The following CBR4 variants were observed in gnomAD, a reference collection of about 807,000 sequenced individuals.
CBR4 encodes carbonyl reductase 4.
A neutral mutation model predicts 21.0 loss-of-function variants in CBR4; 22 were observed. The observed-to-expected ratio is 1.05, with a 90% CI of 0.75 to 1.50. The LOEUF is 1.50. Ranked by LOEUF, CBR4 falls within the 40% of genes most tolerant of loss-of-function variation. The pLI, the probability that CBR4 is intolerant of heterozygous loss-of-function variation, is 0.00. For synonymous variants in CBR4, 100 were observed against 104.4 expected (o/e 0.96, Z 0.26); for missense variants, 302 against 286.3 (o/e 1.05, Z -0.40).
At chr4:169,006,639 C>T in intron 3 of CBR4, 116 bp downstream of exon 3, 1 of 973,344 alleles carries the variant, frequency 1.0e-6, no homozygotes, top group Non-Finnish European at 1.5e-6. Context: ...ATCCTTTTTT[C>T]CACAGATAAT....
intron 2 of CBR4, among the ~76,000 whole-genome samples, chr4:168,958,982 G>A (rs1409752806): frequency 6.6e-6 from 1 of 151,960 alleles, no homozygotes; most frequent in African/African-American, 2.4e-5. Context: ...CCTAGTCTGT[G>A]ACTTTCTTTT....
At chr4:168,978,964 AT>A (rs936951012) in intron 2 of CBR4, among the ~76,000 whole-genome samples, 21 of 151,612 alleles carry the variant, frequency 1.4e-4, no homozygotes, top group Non-Finnish European at 2.8e-4. Flanking sequence ...CAGGCCTGCC[AT>A]TTTTGCTGCT....
At chr4:168,900,877 T>C (rs1372470031) in intron 2 of CBR4, among the ~76,000 whole-genome samples, 1 of 152,224 alleles carries the variant, frequency 6.6e-6, no homozygotes, top group Non-Finnish European at 1.5e-5. Flanking sequence ...ATCTTGAACT[T>C]CCAAGATATT....
At chr4:168,894,554 AT>A (rs777923870) in intron 3 of CBR4, 3 of 1,518,972 alleles carry the variant, frequency 2.0e-6, no homozygotes, top group South Asian at 1.1e-5. Flanking sequence ...CTAATTTTGT[AT>A]TTTTTGTGAC....
downstream of CBR4, among the ~76,000 whole-genome samples, chr4:168,986,412 A>G (rs183140315): frequency 1.1e-3 from 172 of 152,306 alleles, 1 homozygote; most frequent in African/African-American, 4.0e-3. Context: ...TCCCCTAATT[A>G]TTTAATAGCA....
In CBR4 at chr4:168,894,630, G is replaced by A; in HGVS notation, n.305C>T. The A allele has an allele frequency of 1.2e-6, 2 of 1,613,328 alleles. No individual in the cohort carries two copies. The highest frequency in any genetic ancestry group is 2.2e-5 in the East Asian group (1 of 44,858). The stretch of plus-strand genomic sequence containing the variant: ...TCGTCGACTGCTAGGTGCTGACAGT[G>A]CAACTGTCTTTAATATTCAGGAGCC... On this transcript the variant is annotated non_coding_transcript_exon_variant, in exon 3 of 4. Transcript: ENST00000509108.
intron 2 of CBR4, among the ~76,000 whole-genome samples, chr4:168,972,870 A>C (rs1457792363): frequency 6.6e-6 from 1 of 152,178 alleles, no homozygotes; most frequent in Non-Finnish European, 1.5e-5. Flanking sequence ...TAAAGGAAAT[A>C]CTTTAAACGC....
At chr4:168,950,634 G>A (rs765257358) in intron 2 of CBR4, among the ~76,000 whole-genome samples, 10 of 152,052 alleles carry the variant, frequency 6.6e-5, no homozygotes, top group South Asian at 4.2e-4. Flanking sequence ...GTTTAAATCC[G>A]TTCTTTGTTG....
At position 168,989,555 on chromosome 4, in the gene CBR4, A is replaced by C. The variant is rs1006219572; in HGVS notation, c.*595T>G. 2.0e-6 allele frequency: 2 copies of C among 985,334 alleles called. No homozygotes were observed. The allele number at this position is 985,334 out of a possible 1,614,324, so 61.0% of individuals were successfully genotyped here. On this transcript the variant is annotated 3_prime_UTR_variant, in exon 5 of 5. Coordinates refer to ENST00000306193, the MANE Select transcript of CBR4 (RefSeq NM_032783.5). ...ATGCAAAAGGAATATAGTTATCTTTAGTGGGCTTGCTAAAGTATTGACAAC... is the reference window on the plus strand; with the variant it reads ...ATGCAAAAGGAATATAGTTATCTTTCGTGGGCTTGCTAAAGTATTGACAAC...
intron 2 of CBR4, among the ~76,000 whole-genome samples, chr4:168,973,785 T>G (rs1275698359): frequency 6.6e-6 from 1 of 152,238 alleles, no homozygotes; most frequent in Non-Finnish European, 1.5e-5. Context: ...GGTTGTATAT[T>G]TCCAGGAATG....
intron 4 of CBR4, among the ~76,000 whole-genome samples, chr4:168,995,991 A>C (rs1765180618): frequency 6.6e-6 from 1 of 152,228 alleles, no homozygotes; most frequent in Non-Finnish European, 1.5e-5. Context: ...AGTCCAGAAC[A>C]GGAATGATGA....
intron 2 of CBR4, among the ~76,000 whole-genome samples, chr4:168,958,831 T>A (rs552217264): frequency 6.6e-6 from 1 of 152,246 alleles, no homozygotes; most frequent in Non-Finnish European, 1.5e-5. Context: ...TATCTACAAT[T>A]ACTCAGATAT....
intron 2 of CBR4, among the ~76,000 whole-genome samples, chr4:168,940,732 A>G (rs1763240305): frequency 6.6e-6 from 1 of 152,214 alleles, no homozygotes; most frequent in Non-Finnish European, 1.5e-5. Context: ...AACCACAATG[A>G]GATATCTCAT....
chr4:168,921,406 CAAAAAA>C (rs5863967), intron 2 of CBR4: 168 of 362,174 alleles, frequency 4.6e-4, no homozygotes, highest in Admixed American at 1.8e-3. Flanking sequence ...AAACTCTGTC[CAAAAAA>C]AAAAAAAAAA....
At chr4:169,007,900 C>T in intron 1 of CBR4, 144 bp from the exon 2 acceptor site, 1 of 486,888 alleles carries the variant, frequency 2.1e-6, no homozygotes, top group South Asian at 3.4e-5. Flanking sequence ...TGAGGCCTGG[C>T]TTTCATAGAG....
chr4:168,964,979 G>A (rs1763976532), intron 2 of CBR4, among the ~76,000 whole-genome samples: 1 of 152,078 alleles, frequency 6.6e-6, no homozygotes, highest in Admixed American at 6.5e-5. Context: ...CTAAAACTTT[G>A]CAGATGACAT....
At chr4:168,937,900 TCAA>T (rs769943363) in intron 2 of CBR4, among the ~76,000 whole-genome samples, 6 of 152,166 alleles carry the variant, frequency 3.9e-5, no homozygotes, top group Admixed American at 1.3e-4. Flanking sequence ...ACCAGACAGA[TCAA>T]CAAGACAGAA....
At chr4:168,997,486 G>C (rs1038143267) in intron 4 of CBR4, among the ~76,000 whole-genome samples, 2 of 152,072 alleles carry the variant, frequency 1.3e-5, no homozygotes, top group Non-Finnish European at 1.5e-5. Context: ...TGTAATCCCA[G>C]CTACTACTGA....
At chr4:168,992,315 C>T (rs1275333811) in intron 4 of CBR4, among the ~76,000 whole-genome samples, 1 of 152,056 alleles carries the variant, frequency 6.6e-6, no homozygotes, top group Non-Finnish European at 1.5e-5. Context: ...AGAATGTGTA[C>T]ACATGGATGT....
Sources: allele counts gnomAD v4.1 joint callset (sites outside exome capture counted in the v4.1 genomes callset), GRCh38; gene constraint gnomAD v4.1.1; transcripts MANE v1.5; gene names NCBI Gene and HGNC (gene_info 2026-07-23, HGNC 2026-07-21).